Variants in CRADD observed in about 807,000 individuals in gnomAD.
CRADD encodes the protein death domain-containing protein CRADD.
A neutral mutation model predicts 15.5 loss-of-function variants in CRADD; 9 were observed. The ratio of observed to expected loss-of-function variants is 0.58; its 90% CI spans 0.35 to 1.01. CRADD has a LOEUF of 1.01. Among genes scored for constraint, CRADD ranks in the 50% least tolerant of loss-of-function variants. CRADD has a pLI of 0.02. For synonymous variants in CRADD, 118 were observed against 107.6 expected (o/e 1.10, Z -0.60); for missense variants, 227 against 250.3 (o/e 0.91, Z 0.63).
rs572416410 is a variant in CRADD at position 93,748,378 on chromosome 12, T to C, written c.298+69306T>C. Among the ~76,000 whole-genome samples the C allele has an allele frequency of 2.1e-4, 32 of 151,022 alleles. 1 individual carries two copies. Among genetic ancestry groups the C allele is most frequent in the South Asian group, 1.3e-3 (6 of 4,650 alleles). On this transcript the variant is annotated intron_variant, in intron 2 of 2. Coordinates refer to ENST00000332896, the MANE Select transcript of CRADD (RefSeq NM_003805.5). Reference sequence around the variant, plus strand: ...TGGAGCGCAATGGTGCAATCTCAGCTCACGGCAACCTCCGCCTCCTGGGTT... The same window carrying C: ...TGGAGCGCAATGGTGCAATCTCAGCCCACGGCAACCTCCGCCTCCTGGGTT...
At chr12:93,875,295 A>C (rs1958450463) in intron 2 of CRADD, among the ~76,000 whole-genome samples, 1 of 151,710 alleles carries the variant, frequency 6.6e-6, no homozygotes, top group Admixed American at 6.6e-5. Flanking sequence ...GTGTCTTTAG[A>C]GGTGAAGTGT....
chr12:93,770,304 A>C (rs1957072776), intron 2 of CRADD, among the ~76,000 whole-genome samples: 1 of 151,816 alleles, frequency 6.6e-6, no homozygotes, highest in Non-Finnish European at 1.5e-5. Flanking sequence ...TCACCGTGTT[A>C]GCCAGGATGG....
intron 2 of CRADD, among the ~76,000 whole-genome samples, chr12:93,760,005 G>A (rs1161328532): frequency 6.6e-6 from 1 of 152,208 alleles, no homozygotes; most frequent in Non-Finnish European, 1.5e-5. Context: ...AGGTCAGGCT[G>A]CTAATTGTAT....
intron 2 of CRADD, among the ~76,000 whole-genome samples, chr12:93,828,087 G>C (rs908873228): frequency 6.6e-6 from 1 of 152,190 alleles, no homozygotes; most frequent in Non-Finnish European, 1.5e-5. Context: ...GTCTTTTTAA[G>C]TATTTATTTG....
intron 2 of CRADD, chr12:93,831,353 C>T (rs1286685690): frequency 6.6e-6 from 1 of 152,200 alleles, no homozygotes; most frequent in Non-Finnish European, 1.5e-5. Context: ...GCCTGGGCAA[C>T]ATAGCAAGAC....
chr12:93,740,370 T>A (rs761726678), intron 2 of CRADD, among the ~76,000 whole-genome samples: 1 of 152,182 alleles, frequency 6.6e-6, no homozygotes, highest in Non-Finnish European at 1.5e-5. Context: ...ATTCCAAAAA[T>A]GAGATTCTCA....
intron 2 of CRADD, among the ~76,000 whole-genome samples, chr12:93,774,000 ATTTTTT>A (rs112039885): frequency 7.6e-6 from 1 of 131,832 alleles, no homozygotes; most frequent in Non-Finnish European, 1.6e-5. Flanking sequence ...CACCTGGCTA[ATTTTTT>A]TTTTTTTTTT....
intron 2 of CRADD, among the ~76,000 whole-genome samples, chr12:93,697,976 T>G (rs771121965): frequency 6.6e-6 from 1 of 152,236 alleles, no homozygotes; most frequent in East Asian, 1.9e-4. Flanking sequence ...CTCTCTGTGA[T>G]CTGCATCTTC....
intron 2 of CRADD, among the ~76,000 whole-genome samples, chr12:93,755,591 C>G (rs1956880768): frequency 6.6e-6 from 1 of 152,188 alleles, no homozygotes; most frequent in African/African-American, 2.4e-5. Context: ...AGCAGAACAT[C>G]TGGTGTTTGT....
At chr12:93,726,884 C>T (rs543358181) in intron 2 of CRADD, among the ~76,000 whole-genome samples, 2 of 152,208 alleles carry the variant, frequency 1.3e-5, no homozygotes, top group Non-Finnish European at 2.9e-5. Context: ...CTGAAAGAGC[C>T]CTCTTTGGCA....
chr12:93,794,125 A>G (rs1047081538), intron 2 of CRADD, among the ~76,000 whole-genome samples: 1 of 152,202 alleles, frequency 6.6e-6, no homozygotes, highest in African/African-American at 2.4e-5. Context: ...TTATTGGCTC[A>G]TGTGCACCCA....
At chr12:93,724,691 A>G (rs1956322729) in intron 2 of CRADD, among the ~76,000 whole-genome samples, 1 of 152,210 alleles carries the variant, frequency 6.6e-6, no homozygotes, top group South Asian at 2.1e-4. Flanking sequence ...GCAAAAACAT[A>G]ATGTAGATAA....
At chr12:93,797,284 A>G (rs997805670) in intron 2 of CRADD, among the ~76,000 whole-genome samples, 5 of 152,168 alleles carry the variant, frequency 3.3e-5, no homozygotes, top group African/African-American at 1.2e-4. Context: ...TAAATGGCAT[A>G]AAATTGTGGG....
At chr12:93,715,082 C>T (rs1445343163) in intron 2 of CRADD, among the ~76,000 whole-genome samples, 1 of 152,030 alleles carries the variant, frequency 6.6e-6, no homozygotes, top group Non-Finnish European at 1.5e-5. Context: ...AAAATTCTTT[C>T]ACTAAGTGGT....
At chr12:93,685,605 A>G (rs1018046168) in intron 2 of CRADD, among the ~76,000 whole-genome samples, 2 of 152,216 alleles carry the variant, frequency 1.3e-5, no homozygotes, top group Non-Finnish European at 2.9e-5. Flanking sequence ...TCATAGGAAT[A>G]TTGAATAGGA....
intron 2 of CRADD, chr12:93,837,348 A>T (rs1013016325): frequency 6.6e-6 from 1 of 151,242 alleles, no homozygotes; most frequent in Non-Finnish European, 1.5e-5. Context: ...GCACACTGCA[A>T]CCTCCACCTC....
intron 2 of CRADD, among the ~76,000 whole-genome samples, chr12:93,753,370 T>C (rs991259891): frequency 2.6e-5 from 4 of 152,148 alleles, no homozygotes; most frequent in Non-Finnish European, 5.9e-5. Context: ...ATTCCACCCC[T>C]GGCCCCTCCA....
intron 2 of CRADD, among the ~76,000 whole-genome samples, chr12:93,722,421 C>T (rs528846254): frequency 2.0e-5 from 3 of 151,734 alleles, no homozygotes; most frequent in East Asian, 3.9e-4. Flanking sequence ...TATATTGTTT[C>T]GTATATTTTT....
chr12:93,867,533 G>A (rs1958381144), intron 2 of CRADD, among the ~76,000 whole-genome samples: 1 of 151,674 alleles, frequency 6.6e-6, no homozygotes, highest in Non-Finnish European at 1.5e-5. Flanking sequence ...AGTAATTCTT[G>A]AGGCATATTA....
Sources: allele counts gnomAD v4.1 joint callset (sites outside exome capture counted in the v4.1 genomes callset), GRCh38; gene constraint gnomAD v4.1.1; transcripts MANE v1.5; gene names NCBI Gene and HGNC (gene_info 2026-07-23, HGNC 2026-07-21).